The following NCOA6 variants were observed in gnomAD, a reference collection of about 807,000 sequenced individuals.
NCOA6 encodes NRC RAP250.
In NCOA6, 49 loss-of-function variants were observed where a neutral mutation model predicts 171.4. The observed-to-expected ratio is 0.29, with a 90% CI of 0.23 to 0.36. NCOA6 has a LOEUF of 0.36. Among genes scored for constraint, NCOA6 ranks in the 10% least tolerant of loss-of-function variants. NCOA6 has a pLI of 1.00. For synonymous variants in NCOA6, 910 were observed against 927.5 expected (o/e 0.98, Z 0.34); for missense variants, 2,248 against 2,554.5 (o/e 0.88, Z 2.59).
Position 34,725,152 on chromosome 20 carries a change from T to G in NCOA6, c.6148+2107A>C, listed in dbSNP as rs555344609. Among the ~76,000 whole-genome samples, 9 of 152,328 alleles carry G rather than the reference T, an allele frequency of 5.9e-5. No individual in the cohort carries two copies. In the South Asian group the frequency reaches 1.4e-3, roughly 25 times the overall value. On this transcript the variant is annotated intron_variant, in intron 14 of 14. Transcript: ENST00000359003. ...ACATGTAGTAAATATTTAATACATA[T>G]TTGATAGATGGTTATTCATTTGATA...
intron 1 of NCOA6, chr20:34,819,985 G>C (rs552190616): frequency 6.6e-6 from 1 of 152,066 alleles, no homozygotes; most frequent in Non-Finnish European, 1.5e-5. Flanking sequence ...GGGATCACTG[G>C]TTATACATAG....
intron 2 of NCOA6, among the ~76,000 whole-genome samples, chr20:34,789,057 A>G (rs1032648520): frequency 1.3e-5 from 2 of 152,240 alleles, no homozygotes; most frequent in African/African-American, 2.4e-5. Flanking sequence ...TCAAGTTACA[A>G]CTTACAAAAA....
intron 14 of NCOA6, among the ~76,000 whole-genome samples, chr20:34,722,743 T>C (rs1355080196): frequency 6.6e-6 from 1 of 150,880 alleles, no homozygotes; most frequent in Non-Finnish European, 1.5e-5. Flanking sequence ...TCCAGCACTT[T>C]GGGAGGCCGA....
intron 4 of NCOA6, 123 bp downstream of exon 4, chr20:34,776,170 A>G (rs1489643336): frequency 1.6e-6 from 2 of 1,267,218 alleles, no homozygotes; most frequent in Non-Finnish European, 2.2e-6. Context: ...TACAAGTTAC[A>G]TGAGTTGCTT....
chr20:34,740,532 A>T lies in NCOA6; in HGVS notation c.5724T>A (p.Gly1908=), dbSNP rs374170762. The T allele has an allele frequency of 6.2e-7, 1 of 1,613,832 alleles. No homozygotes were observed. The highest frequency in any genetic ancestry group is 1.3e-5 in the African/African-American group (1 of 74,914). Residue 1908 remains glycine (G), a synonymous_variant, in exon 11 of 15, where the codon GGT becomes GGA. Transcript: ENST00000359003. Reference sequence around the variant, plus strand: ...TCGAGCGTACACTGGTGGGGAGAGCACCGCCAGGTAAGCTGGGTCCTGCTG... The same window carrying T: ...TCGAGCGTACACTGGTGGGGAGAGCTCCGCCAGGTAAGCTGGGTCCTGCTG... ...TASAGPSLPG[G]ALPTSVRSIV...
At chr20:34,767,584 T>C (rs1196889488) in intron 5 of NCOA6, among the ~76,000 whole-genome samples, 2 of 152,138 alleles carry the variant, frequency 1.3e-5, no homozygotes, top group African/African-American at 4.8e-5. Context: ...GCATGACCAA[T>C]CGTGCCCGGC....
intron 1 of NCOA6, among the ~76,000 whole-genome samples, chr20:34,807,302 G>A (rs1416595064): frequency 2.0e-5 from 3 of 152,088 alleles, no homozygotes; most frequent in African/African-American, 4.8e-5. Flanking sequence ...CCAGCCAAGC[G>A]CTAAGATGAG....
At chr20:34,789,049 AAGTTACAACTT>A (rs1465446953) in intron 2 of NCOA6, among the ~76,000 whole-genome samples, 5 of 152,370 alleles carry the variant, frequency 3.3e-5, no homozygotes, top group African/African-American at 1.2e-4. Flanking sequence ...TGAAAATTTC[AAGTTACAACTT>A]ACAAAAAAGT....
Position 34,736,756 on chromosome 20 carries a change from G to T in NCOA6, c.5896C>A (p.Pro1966Thr). 6.2e-7 allele frequency: 1 copy of T among 1,607,216 alleles called. No homozygotes were observed. Among genetic ancestry groups the T allele is most frequent in the Non-Finnish European group, 8.5e-7 (1 of 1,176,598 alleles). Residue 1966 changes from proline (P) to threonine (T), a missense_variant and splice_region_variant, in exon 12 of 15, where the codon CCG becomes ACG. Physicochemically the swap from Pro to Thr is conservative, Grantham distance 38. Transcript: ENST00000359003. ...SHPELLPSIA[P>T]SQNLVSKETS... ...TCCTTTGAGACTAAATTCTGCGACGGGGCTAAGGCAAGGAAAAAAAAATTA... is the reference window on the plus strand; with the variant it reads ...TCCTTTGAGACTAAATTCTGCGACGTGGCTAAGGCAAGGAAAAAAAAATTA...
At position 34,741,934 on chromosome 20, in the gene NCOA6, A is replaced by G. The variant is rs1402520946; in HGVS notation, c.4322T>C (p.Leu1441Pro). Residue 1441 changes from leucine (L) to proline (P), a missense_variant, in exon 11 of 15, where the codon CTA (leucine) becomes CCA (proline). This residue lies in a region of NCOA6 where 884 missense variants were observed against 941.9 expected (regional missense o/e 0.94). Transcript: ENST00000359003. Reference protein sequence around the residue: ...QSRKEQVNIELKAVPAQEVKM... With the variant: ...QSRKEQVNIEPKAVPAQEVKM... ...AACTTCTTGGGCAGGGACTGCTTTT[A>G]GTTCAATGTTTACCTGTTCCTTCCT... 6.2e-7 allele frequency: 1 copy of G among 1,614,180 alleles called. No individual in the cohort carries two copies.
intron 14 of NCOA6, among the ~76,000 whole-genome samples, chr20:34,718,358 ATGTCTGAAAAAAATC>A (rs1012280481): frequency 2.0e-5 from 3 of 151,814 alleles, no homozygotes; most frequent in African/African-American, 7.3e-5. Context: ...GTTCCCCATC[ATGTCTGAAAAAAATC>A]TGTCTGAAAA....
At chr20:34,801,517 C>T (rs2078254279) in intron 1 of NCOA6, among the ~76,000 whole-genome samples, 1 of 152,158 alleles carries the variant, frequency 6.6e-6, no homozygotes. Context: ...GACATTACAA[C>T]TGATACTTCA....
Position 34,825,480 on chromosome 20 carries a change from GGCCCCGGCCCTCCCGGGCGGGCCTTGGA to G in NCOA6, c.-200_-173del, listed in dbSNP as rs1332042594. 25 of 148,632 alleles carry G rather than the reference GGCCCCGGCCCTCCCGGGCGGGCCTTGGA, an allele frequency of 1.7e-4. No individual in the cohort carries two copies. The South Asian group carries it at 5.0e-3, about 30-fold the overall frequency. The allele number at this position is 148,632 out of a possible 1,614,324, so 9.2% of individuals were successfully genotyped here. ...CGCCGCCGTCCCCTCACCTGAGCGC[GGCCCCGGCCCTCCCGGGCGGGCCTTGGA>G]GCGCCGGCCCGGGCCGTGCGTGCCC... is the stretch of plus-strand genomic sequence containing the variant. On this transcript the variant is annotated 5_prime_UTR_variant, in exon 1 of 15. Transcript: ENST00000359003.
At chr20:34,732,951 C>T (rs1359366786) in intron 12 of NCOA6, 2 of 177,990 alleles carry the variant, frequency 1.1e-5, no homozygotes, top group African/African-American at 4.7e-5. Flanking sequence ...CATCTCCATC[C>T]ACCTTGTTGC....
At chr20:34,814,496 A>G (rs2078768079) in intron 1 of NCOA6, among the ~76,000 whole-genome samples, 1 of 152,258 alleles carries the variant, frequency 6.6e-6, no homozygotes, top group Non-Finnish European at 1.5e-5. Context: ...GCCAAATGAA[A>G]AAAGACTAAA....
chr20:34,743,483 G>A, intron 10 of NCOA6, 142 bp from the exon 11 acceptor site: 1 of 827,078 alleles, frequency 1.2e-6, no homozygotes, highest in Non-Finnish European at 1.9e-6. Context: ...CTGGGGCAGG[G>A]GGCAGCCCCT....
chr20:34,751,371 C>T (rs2076476484), intron 8 of NCOA6, among the ~76,000 whole-genome samples: 1 of 26,198 alleles, frequency 3.8e-5, no homozygotes, highest in Non-Finnish European at 6.7e-5. Context: ...AGCAAGACTC[C>T]GTCTCAAAAA....
chr20:34,722,101 C>T (rs1306251783), intron 14 of NCOA6, among the ~76,000 whole-genome samples: 3 of 142,794 alleles, frequency 2.1e-5, no homozygotes, highest in Non-Finnish European at 4.5e-5. Context: ...AAAAAGCCGG[C>T]TGGGCATGGT....
chr20:34,725,759 T>C (rs1450290772), intron 14 of NCOA6, among the ~76,000 whole-genome samples: 1 of 152,172 alleles, frequency 6.6e-6, no homozygotes. Flanking sequence ...GTGGTGCCAT[T>C]TATTGAGATG....
Sources: gnomAD v4.1 joint callset for allele counts (sites outside exome capture counted in the v4.1 genomes callset) on GRCh38, gnomAD v4.1.1 for gene constraint, gnomAD v4.1.1 regional missense constraint, MANE v1.5 for transcripts, NCBI Gene and HGNC (gene_info 2026-07-23, HGNC 2026-07-21) for gene names.